MYO15A: variants seen among roughly 807,000 people sequenced by gnomAD.
MYO15A encodes the protein unconventional myosin-XV.
In MYO15A, 308 loss-of-function variants were observed where a neutral mutation model predicts 394.6. The observed-to-expected ratio is 0.78, with a 90% CI of 0.71 to 0.86. The LOEUF is 0.86. Ranked by LOEUF, MYO15A falls within the 40% of genes least tolerant of loss-of-function variation. The pLI is 0.00. For synonymous variants in MYO15A, 1,957 were observed against 2,003.8 expected, an observed-to-expected ratio of 0.98 and a Z score of 0.62; for missense variants, 4,606 against 4,799.1, an observed-to-expected ratio of 0.96 and a Z score of 1.19.
In MYO15A at chr17:18,148,252, A is replaced by G; in HGVS notation, c.6691+42A>G. 6.2e-7 allele frequency: 1 copy of G among 1,610,600 alleles called. No homozygotes were observed. Among genetic ancestry groups the G allele is most frequent in the Non-Finnish European group, 8.5e-7 (1 of 1,179,080 alleles). On this transcript the variant is annotated intron_variant, in intron 31 of 65. Coordinates refer to ENST00000647165, the MANE Select transcript of MYO15A (RefSeq NM_016239.4). This position sits in a 1 kb window ranked among gnomAD's most constrained non-coding sequence, Gnocchi z 4.8. ...CACCTCAGTGAGGGCAGTGGGAGTC[A>G]GCAGGGCCCAGTGAGCCCCGGGGAT...
intron 6 of MYO15A, 91 bp from the exon 7 acceptor site, chr17:18,126,984 G>C: frequency 6.3e-7 from 1 of 1,596,932 alleles, no homozygotes; most frequent in South Asian, 1.1e-5. Flanking sequence ...TTGGCCCACC[G>C]TACATATCCT....
intron 29 of MYO15A, among the ~76,000 whole-genome samples, chr17:18,145,479 C>G (rs2046459233): frequency 6.6e-6 from 1 of 152,130 alleles, no homozygotes; most frequent in South Asian, 2.1e-4. Flanking sequence ...TTTGGGAGGC[C>G]AAGGCAGGCA....
At chr17:18,130,556 A>G (rs1267845319) in intron 7 of MYO15A, among the ~76,000 whole-genome samples, 1 of 151,896 alleles carries the variant, frequency 6.6e-6, no homozygotes, top group Non-Finnish European at 1.5e-5. Flanking sequence ...GGTGGTAGCC[A>G]TGGGGGTGGG....
chr17:18,147,959 A>G lies in MYO15A; in HGVS notation c.6510-70A>G. 1 of 1,589,910 alleles carries G rather than the reference A, an allele frequency of 6.3e-7. No individual in the cohort carries two copies. Among genetic ancestry groups the G allele is most frequent in the South Asian group, 1.1e-5 (1 of 90,048 alleles). On this transcript the variant is annotated intron_variant, in intron 30 of 65. Transcript: ENST00000647165. This position sits in a 1 kb window ranked among gnomAD's most constrained non-coding sequence, Gnocchi z 4.4. ...ACTAGCCTCAGAATTTCCTACCCCC[A>G]CCCCGCAGCCCTCAGCCCCAAGCTA...
chr17:18,114,088 A>ATCCT (rs2045755780), intron 1 of MYO15A, among the ~76,000 whole-genome samples: 1 of 151,462 alleles, frequency 6.6e-6, no homozygotes, highest in African/African-American at 2.4e-5. Flanking sequence ...GATTACTTGC[A>ATCCT]TCCTTCCTTC....
At position 18,158,658 on chromosome 17, in the gene MYO15A, C is replaced by T. The variant is rs1567658772; in HGVS notation, c.9083+20C>T. On this transcript the variant is annotated intron_variant, in intron 52 of 65. Coordinates refer to ENST00000647165, the MANE Select transcript of MYO15A (RefSeq NM_016239.4). ...ACCCCAGTGAGTGGCGGCCCCACCC[C>T]TCTTCCCACAGTGGGAGGGTGCTGG... 3.7e-6 allele frequency: 6 copies of T among 1,610,738 alleles called. No individual in the cohort carries two copies. The highest frequency in any genetic ancestry group is 5.1e-6 in the Non-Finnish European group (6 of 1,176,900).
At chr17:18,126,281 T>G in intron 4 of MYO15A, 66 bp from the exon 5 acceptor site, 29 of 1,277,736 alleles carry the variant, frequency 2.3e-5, no homozygotes, top group Non-Finnish European at 3.1e-5. Context: ...GCTCCCAGCA[T>G]AGGGGAGGGA....
At chr17:18,154,340 C>T in intron 44 of MYO15A, 150 bp downstream of exon 44, 2 of 930,904 alleles carry the variant, frequency 2.1e-6, no homozygotes, top group Non-Finnish European at 3.4e-6. Flanking sequence ...TGAATCTCCC[C>T]CTCCCATGGG....
chr17:18,151,136 G>A lies in MYO15A; in HGVS notation c.7500G>A (p.Pro2500=), dbSNP rs371622693. The change falls in exon 39 of 66, where the codon CCG becomes CCA. Residue 2500 remains proline (P), a synonymous_variant. Transcript: ENST00000647165. ...AEKPPAPEAQ[P]TSVGTGPPAK... ...AACCCCCAGCACCAGAGGCACAGCCGACGTCTGTAGGCACCGGTCCCCCTG... is the reference window on the plus strand; with the variant it reads ...AACCCCCAGCACCAGAGGCACAGCCAACGTCTGTAGGCACCGGTCCCCCTG... 25 of 1,613,786 alleles carry A rather than the reference G, an allele frequency of 1.5e-5. No individual in the cohort carries two copies. Among genetic ancestry groups the A allele is most frequent in the East Asian group, 4.5e-5 (2 of 44,884 alleles).
intron 1 of MYO15A, chr17:18,109,038 G>C (rs1248530068): frequency 6.6e-6 from 1 of 152,352 alleles, no homozygotes; most frequent in Non-Finnish European, 1.5e-5. Context: ...AGACAGGCAG[G>C]GCCTCTGTGG....
Position 18,142,133 on chromosome 17 carries a change from C to T in MYO15A, c.5704C>T (p.Leu1902=). ...QLLESMREHV[L]NLAALTLQRC... ...GCTGGAGAGTATGCGAGAGCATGTC[C>T]TGAATCTGGCAGCCCTCACTCTGCA... The change falls in exon 24 of 66, where the codon CTG becomes TTG. Residue 1902 remains leucine, a synonymous_variant. Transcript: ENST00000647165. 1 of 1,613,898 alleles carries T rather than the reference C, an allele frequency of 6.2e-7. No homozygotes were observed. The highest frequency in any genetic ancestry group is 8.5e-7 in the Non-Finnish European group (1 of 1,180,048).
chr17:18,166,679 A>G (rs1197421088), intron 61 of MYO15A, among the ~76,000 whole-genome samples, 158 bp downstream of exon 61: 2 of 152,146 alleles, frequency 1.3e-5, no homozygotes, highest in African/African-American at 2.4e-5. Context: ...GTCTCTTTGG[A>G]GAAATCGAAA....
Position 18,162,664 on chromosome 17 carries a change from G to C in MYO15A, c.9597G>C (p.Glu3199Asp), listed in dbSNP as rs2046793867. 1.2e-6 allele frequency: 2 copies of C among 1,614,056 alleles called. No homozygotes were observed. Among genetic ancestry groups the C allele is most frequent in the Non-Finnish European group, 1.7e-6 (2 of 1,179,948 alleles). Reference protein sequence around the residue: ...GGRLELPSSIELRAMLAGRSS... With the variant: ...GGRLELPSSIDLRAMLAGRSS... ...GTCTGGAGCTCCCCAGCAGCATAGA[G>C]CTTCGGGCCATGTTGGTGAGCATAG... The change falls in exon 58 of 66, where the codon GAG becomes GAC. Residue 3199 changes from glutamate (E) to aspartate (D), a missense_variant. Glu to Asp is a conservative substitution (Grantham distance 45, BLOSUM62 2). Transcript: ENST00000647165.
At position 18,138,804 on chromosome 17, in the gene MYO15A, C is replaced by T. The variant is rs369708372; in HGVS notation, c.5008-7C>T. On this transcript the variant is annotated splice_polypyrimidine_tract_variant and splice_region_variant and intron_variant, in intron 17 of 65. Coordinates refer to ENST00000647165, the MANE Select transcript of MYO15A (RefSeq NM_016239.4). ...TGCCCACCCACTGATCCCTAAATTG[C>T]CCCCAGGCTACAGACCACACCTTCC... 83 of 1,613,312 alleles carry T rather than the reference C, an allele frequency of 5.1e-5. No homozygotes were observed. The highest frequency in any genetic ancestry group is 6.9e-5 in the Non-Finnish European group (81 of 1,179,786).
rs1182951086 is a variant in MYO15A, at chr17:18,153,826, TG to T, written c.8019del (p.His2674ThrfsTer64). On this transcript the variant is annotated frameshift_variant, in exon 43 of 66. Coordinates refer to ENST00000647165, the MANE Select transcript of MYO15A (RefSeq NM_016239.4). LOFTEE classifies it high-confidence loss of function. This position sits in a 1 kb window ranked among gnomAD's most constrained non-coding sequence, Gnocchi z 4.1. Reference sequence around the variant, plus strand: ...CCTGAGGAACTCACGCAGACGCGGCTGCACCGCCTCATCAATCCCAACTTCT... The same window carrying T: ...CCTGAGGAACTCACGCAGACGCGGCTCACCGCCTCATCAATCCCAACTTCT... ...EPPEELTQTR[L>X]HRLINPNFYG... 1.2e-6 allele frequency: 2 copies of T among 1,613,486 alleles called. No homozygotes were observed. The highest frequency in any genetic ancestry group is 1.7e-5 in the Admixed American group (1 of 60,002).
intron 60 of MYO15A, among the ~76,000 whole-genome samples, chr17:18,166,041 T>C (rs1411484906): frequency 6.6e-6 from 1 of 152,180 alleles, no homozygotes; most frequent in Non-Finnish European, 1.5e-5. Flanking sequence ...CAGGGCACTT[T>C]CCCAGATCCA....
chr17:18,133,267 T>G lies in MYO15A; in HGVS notation c.4363T>G (p.Phe1455Val). Residue 1455 changes from phenylalanine to valine, a missense_variant, in exon 12 of 66, where the codon TTT (phenylalanine) becomes GTT (valine). Transcript: ENST00000647165. The part of the protein sequence containing the change: ...EIAGKSDADD[F>V]RRLLAAMEVL... ...AGCAGGAAAGAGCGATGCAGATGAC[T>G]TTCGCCGGCTCCTGGCTGCCATGGA... is the stretch of plus-strand genomic sequence containing the variant. 6.2e-7 allele frequency: 1 copy of G among 1,614,168 alleles called. No individual in the cohort carries two copies. The highest frequency in any genetic ancestry group is 8.5e-7 in the Non-Finnish European group (1 of 1,180,018).
rs978863566 is a variant in MYO15A, at chr17:18,133,321, G to T, written c.4417G>T (p.Asp1473Tyr). ...GTTGGGCTTCAGCAGTGAGGACCAG[G>T]ACAGCATCTTCCGCATCCTGGCCTC... ...EVLGFSSEDQ[D>Y]SIFRILASIL... The change falls in exon 12 of 66, where the codon GAC (aspartate) becomes TAC (tyrosine). Residue 1473 changes from aspartate (D) to tyrosine (Y), a missense_variant. Coordinates refer to ENST00000647165, the MANE Select transcript of MYO15A (RefSeq NM_016239.4). The T allele has an allele frequency of 5.6e-6, 9 of 1,614,076 alleles. No homozygotes were observed. The highest frequency in any genetic ancestry group is 7.6e-6 in the Non-Finnish European group (9 of 1,180,036).
chr17:18,171,297 T>C (rs980354527), intron 62 of MYO15A, among the ~76,000 whole-genome samples: 17 of 152,154 alleles, frequency 1.1e-4, no homozygotes, highest in African/African-American at 4.1e-4. Context: ...GCAGAAGGTA[T>C]GAAGGATGAA....
Sources: gnomAD v4.1 joint callset for allele counts (sites outside exome capture counted in the v4.1 genomes callset) on GRCh38, gnomAD v4.1.1 for gene constraint, Gnocchi (gnomAD v3.1) non-coding constraint, MANE v1.5 for transcripts, NCBI Gene and HGNC (gene_info 2026-07-23, HGNC 2026-07-21) for gene names.